The following ZNF280B variants were observed in gnomAD, a reference collection of about 807,000 sequenced individuals.
The protein encoded by ZNF280B is zinc finger protein 280B.
ZNF280B carries 16 observed loss-of-function variants against 38.0 expected under a neutral mutation model. The ratio of observed to expected loss-of-function variants is 0.42; its 90% CI spans 0.28 to 0.64. The LOEUF is 0.64. Among genes scored for constraint, ZNF280B ranks in the 30% least tolerant of loss-of-function variants. The probability of loss-of-function intolerance (pLI) is 0.21; values close to 1 mark genes in which losing one functional copy is unlikely to be tolerated. For missense variants in ZNF280B, 581 were observed against 639.6 expected (o/e 0.91, Z 0.99); for synonymous variants, 253 against 230.6 (o/e 1.10, Z -0.88).
chr22:22,497,602 A>G (rs569329458), intron 2 of ZNF280B, among the ~76,000 whole-genome samples: 2 of 151,978 alleles, frequency 1.3e-5, no homozygotes, highest in Non-Finnish European at 2.9e-5. Flanking sequence ...AGGACCACAA[A>G]AAAAGACAAC....
At chr22:22,499,286 C>T (rs117623181) in intron 2 of ZNF280B, among the ~76,000 whole-genome samples, 3,587 of 149,926 alleles carry the variant, frequency 0.024, 74 homozygotes, top group Middle Eastern at 0.1. Context: ...TTTTTTGAGT[C>T]GGAATTTCAT....
intron 2 of ZNF280B, among the ~76,000 whole-genome samples, chr22:22,505,648 T>C (rs527582953): frequency 6.6e-6 from 1 of 151,408 alleles, no homozygotes; most frequent in African/African-American, 2.4e-5. Flanking sequence ...TAATCCCAGC[T>C]ACTTGGGAGG....
In ZNF280B at chr22:22,491,838, T is replaced by C. The variant is rs183446930; in HGVS notation, c.-69+2225A>G. 1.6e-4 allele frequency among the ~76,000 whole-genome samples: 24 copies of C among 152,082 alleles called. 1 individual carries two copies. The highest frequency in any genetic ancestry group is 1.1e-3 in the Admixed American group (17 of 15,268). The stretch of plus-strand genomic sequence containing the variant: ...TTAAGCCTCATCACTAGGTCACTAC[T>C]AGTTGTTTCAAAAACTGGTCTAATG... On this transcript the variant is annotated intron_variant, in intron 3 of 3. Coordinates refer to ENST00000626650, the MANE Select transcript of ZNF280B (RefSeq NM_080764.4).
In ZNF280B at chr22:22,488,609, T is replaced by C. The variant is rs1401036966; in HGVS notation, c.790A>G (p.Ile264Val). The C allele has an allele frequency of 1.2e-6, 2 of 1,613,890 alleles. No individual in the cohort carries two copies. Among genetic ancestry groups the C allele is most frequent in the East Asian group, 2.2e-5 (1 of 44,808 alleles). The change falls in exon 4 of 4, where the codon ATT (isoleucine) becomes GTT (valine). Residue 264 changes from isoleucine to valine, a missense_variant. Ile to Val is a conservative substitution (Grantham distance 29). Coordinates refer to ENST00000626650, the MANE Select transcript of ZNF280B (RefSeq NM_080764.4). ...TTGTTTTGACTTGTTAGACTCAAAATGTCTGTTTTTGCCAATTCATTTGCC... is the reference window on the plus strand; with the variant it reads ...TTGTTTTGACTTGTTAGACTCAAAACGTCTGTTTTTGCCAATTCATTTGCC... ...DRANELAKTD[I>V]LSLTSQNKTF...
chr22:22,507,616 A>G (rs2061966499), intron 2 of ZNF280B, among the ~76,000 whole-genome samples, 194 bp downstream of exon 2: 1 of 151,676 alleles, frequency 6.6e-6, no homozygotes, highest in Non-Finnish European at 1.5e-5. Context: ...CTTTCTCAAC[A>G]AAGCAATTTA....
intron 3 of ZNF280B, among the ~76,000 whole-genome samples, chr22:22,491,665 G>A (rs1423762505): frequency 6.6e-6 from 1 of 151,540 alleles, no homozygotes; most frequent in Non-Finnish European, 1.5e-5. Flanking sequence ...TCACTGTGTT[G>A]GCCAGGCTGG....
At chr22:22,492,134 A>G (rs1245088598) in intron 3 of ZNF280B, among the ~76,000 whole-genome samples, 2 of 152,004 alleles carry the variant, frequency 1.3e-5, no homozygotes, top group Non-Finnish European at 2.9e-5. Context: ...ATATTAAGTA[A>G]GCATTGTCAA....
intron 3 of ZNF280B, among the ~76,000 whole-genome samples, chr22:22,493,505 C>G (rs1601709036): frequency 6.6e-6 from 1 of 151,964 alleles, no homozygotes. Flanking sequence ...ATTAAAGTGT[C>G]TCATTGGATT....
At chr22:22,501,335 TG>T (rs1374364920) in intron 2 of ZNF280B, among the ~76,000 whole-genome samples, 3 of 151,426 alleles carry the variant, frequency 2.0e-5, no homozygotes, top group Admixed American at 2.0e-4. Flanking sequence ...GAGGCCAAGG[TG>T]GGAGAATCAC....
intron 3 of ZNF280B, among the ~76,000 whole-genome samples, chr22:22,493,769 C>G (rs1036362890): frequency 2.0e-5 from 3 of 151,924 alleles, no homozygotes; most frequent in African/African-American, 7.3e-5. Flanking sequence ...AATTATATAA[C>G]ACAACACCAC....
Position 22,484,477 on chromosome 22 carries a change from A to T in ZNF280B, c.*3290T>A, listed in dbSNP as rs940461850. The T allele has an allele frequency of 6.6e-6, 1 of 152,472 alleles. No individual in the cohort carries two copies. Among genetic ancestry groups the T allele is most frequent in the South Asian group, 2.1e-4 (1 of 4,824 alleles). The allele number at this position is 152,472 out of a possible 1,614,324, so 9.4% of individuals were successfully genotyped here. ...TGATATTTTACTTATAATTTTTGGC[A>T]ACATTAATAAAATAATAAATTTCAC... is the stretch of plus-strand genomic sequence containing the variant. On this transcript the variant is annotated 3_prime_UTR_variant, in exon 4 of 4. Transcript: ENST00000626650.
intron 2 of ZNF280B, among the ~76,000 whole-genome samples, chr22:22,500,121 C>T (rs1297075235): frequency 6.6e-6 from 1 of 151,918 alleles, no homozygotes; most frequent in African/African-American, 2.4e-5. Context: ...TTAGAATCCT[C>T]ATGCACAGTC....
rs1032840133 is a variant in ZNF280B at position 22,485,385 on chromosome 22, C to T, written c.*2382G>A. The T allele has an allele frequency of 6.6e-6, 1 of 151,778 alleles. No individual in the cohort carries two copies. The highest frequency in any genetic ancestry group is 6.6e-5 in the Admixed American group (1 of 15,224). 9.4% of individuals were successfully genotyped at this position (151,778 alleles called of 1,614,324 possible). On this transcript the variant is annotated 3_prime_UTR_variant, in exon 4 of 4. Coordinates refer to ENST00000626650, the MANE Select transcript of ZNF280B (RefSeq NM_080764.4). ...ACAAGAAAAACTGGCACACACACAC[C>T]CACTTGCACACACATACCCTTTCTT...
chr22:22,503,308 T>C (rs1172084985), intron 2 of ZNF280B, among the ~76,000 whole-genome samples: 2 of 152,018 alleles, frequency 1.3e-5, no homozygotes, highest in East Asian at 1.9e-4. Flanking sequence ...ATATTGCTGA[T>C]GGTTGTACAA....
intron 3 of ZNF280B, among the ~76,000 whole-genome samples, chr22:22,493,599 A>G (rs1462729166): frequency 6.6e-6 from 1 of 151,940 alleles, no homozygotes; most frequent in Admixed American, 6.6e-5. Flanking sequence ...AAGCCATTTT[A>G]AATAACTTTT....
intron 2 of ZNF280B, among the ~76,000 whole-genome samples, chr22:22,506,862 G>C (rs575775787): frequency 9.9e-5 from 15 of 151,884 alleles, no homozygotes; most frequent in Non-Finnish European, 2.1e-4. Context: ...AAATGGTTGC[G>C]GTGGCCATCC....
rs192821344 is a variant in ZNF280B, at chr22:22,488,127, C to G, written c.1272G>C (p.Thr424=). Reference sequence around the variant, plus strand: ...GCAAATTCTTTGTGTTTTCATGGCACGTTCTAAAATGTGTTTCTACATCAG... The same window carrying G: ...GCAAATTCTTTGTGTTTTCATGGCAGGTTCTAAAATGTGTTTCTACATCAG... ...VFADVETHFR[T]CHENTKNLLC... The change falls in exon 4 of 4, where the codon ACG becomes ACC. Residue 424 remains threonine, a synonymous_variant. Transcript: ENST00000626650. 1.9e-6 allele frequency: 3 copies of G among 1,613,800 alleles called. No homozygotes were observed. In the Admixed American group the frequency reaches 5.0e-5, roughly 27 times the overall value.
chr22:22,503,329 A>AC (rs2061864110), intron 2 of ZNF280B, among the ~76,000 whole-genome samples: 1 of 151,968 alleles, frequency 6.6e-6, no homozygotes, highest in African/African-American at 2.4e-5. Context: ...TTTTGTAAGT[A>AC]TATAATACTA....
In ZNF280B at chr22:22,487,632, G is replaced by A. The variant is rs16988995; in HGVS notation, c.*135C>T. ...TCAAATAATATATATCCTGAATCTT[G>A]TTTAAAAAGTCATATATAATCCACT... On this transcript the variant is annotated 3_prime_UTR_variant, in exon 4 of 4. Transcript: ENST00000626650. The A allele has an allele frequency of 1.4e-3, 927 of 668,032 alleles. 6 individuals carry two copies. The African/African-American group carries it at 0.015, about 11-fold the overall frequency. The allele number at this position is 668,032 out of a possible 1,614,324, so 41.4% of individuals were successfully genotyped here. A position where few individuals can be genotyped will look rare whatever the true frequency, so the allele number is the denominator to read the frequency against.
Sources: allele counts gnomAD v4.1 joint callset (sites outside exome capture counted in the v4.1 genomes callset), GRCh38; gene constraint gnomAD v4.1.1; transcripts MANE v1.5; gene names NCBI Gene and HGNC (gene_info 2026-07-23, HGNC 2026-07-21).